The following CYTH3 variants were observed in gnomAD, a reference collection of about 807,000 sequenced individuals.
CYTH3 encodes the protein cytohesin-3.
Under a neutral mutation model 55.1 loss-of-function variants are expected in CYTH3, and 23 were observed. The ratio of observed to expected loss-of-function variants is 0.42; its 90% CI spans 0.30 to 0.59. The LOEUF is 0.59. Ranked by LOEUF, CYTH3 falls within the 20% of genes least tolerant of loss-of-function variation. The probability of loss-of-function intolerance (pLI) is 0.20; values close to 1 mark genes in which losing one functional copy is unlikely to be tolerated. For missense variants in CYTH3, 413 were observed against 524.8 expected, an observed-to-expected ratio of 0.79 and a Z score of 2.08; for synonymous variants, 249 against 194.9, an observed-to-expected ratio of 1.28 and a Z score of -2.31.
At chr7:6,222,880 A>G (rs1469163816) in intron 1 of CYTH3, among the ~76,000 whole-genome samples, 1 of 152,234 alleles carries the variant, frequency 6.6e-6, no homozygotes, top group Non-Finnish European at 1.5e-5. Context: ...AGCTAATATG[A>G]CAAAAGAACA....
At chr7:6,235,593 C>T (rs537942727) in intron 1 of CYTH3, among the ~76,000 whole-genome samples, 23 of 152,272 alleles carry the variant, frequency 1.5e-4, no homozygotes, top group Non-Finnish European at 2.2e-4. Flanking sequence ...TGCCTAACTC[C>T]GTACTTCTCA....
intron 1 of CYTH3, among the ~76,000 whole-genome samples, chr7:6,199,222 G>A (rs1784005713): frequency 1.3e-5 from 2 of 152,192 alleles, no homozygotes; most frequent in Admixed American, 1.3e-4. Flanking sequence ...CAAAATCACA[G>A]AGACTCACAG....
intron 1 of CYTH3, among the ~76,000 whole-genome samples, chr7:6,252,947 C>A (rs906408955): frequency 6.6e-6 from 1 of 152,134 alleles, no homozygotes; most frequent in African/African-American, 2.4e-5. Context: ...ATGCTTGTTC[C>A]AAATTTACCC....
intron 1 of CYTH3, among the ~76,000 whole-genome samples, chr7:6,240,556 A>G (rs1477935697): frequency 6.6e-6 from 1 of 152,186 alleles, no homozygotes; most frequent in Non-Finnish European, 1.5e-5. Flanking sequence ...CTCAGATGGT[A>G]CTTTAATATA....
chr7:6,191,494 A>T (rs75745109), intron 1 of CYTH3, among the ~76,000 whole-genome samples: 3,468 of 152,156 alleles, frequency 0.023, 135 homozygotes, highest in African/African-American at 0.079. Flanking sequence ...AATCAATTAC[A>T]AGTGGATTAA....
intron 4 of CYTH3, among the ~76,000 whole-genome samples, chr7:6,184,515 T>C (rs1172596584): frequency 1.3e-5 from 2 of 152,210 alleles, no homozygotes; most frequent in Non-Finnish European, 2.9e-5. Context: ...GAGGGCTTCA[T>C]AGGCATGAAG....
intron 1 of CYTH3, among the ~76,000 whole-genome samples, chr7:6,235,202 G>A (rs1403492110): frequency 3.3e-5 from 5 of 152,190 alleles, no homozygotes; most frequent in East Asian, 1.9e-4. Flanking sequence ...TGGGCCAGGC[G>A]TAGTGGCTCA....
chr7:6,190,895 G>C (rs147309965), intron 1 of CYTH3, among the ~76,000 whole-genome samples: 1 of 151,638 alleles, frequency 6.6e-6, no homozygotes, highest in South Asian at 2.1e-4. Flanking sequence ...TGGCCAACAC[G>C]GTGAAACCCC....
chr7:6,186,745 G>A (rs1229335728), intron 4 of CYTH3, among the ~76,000 whole-genome samples: 3 of 152,146 alleles, frequency 2.0e-5, no homozygotes, highest in Admixed American at 6.5e-5. Flanking sequence ...TCGACAGCAA[G>A]GGCACTGCCT....
At chr7:6,231,899 C>A (rs1779398929) in intron 1 of CYTH3, among the ~76,000 whole-genome samples, 2 of 152,218 alleles carry the variant, frequency 1.3e-5, no homozygotes, top group South Asian at 4.1e-4. Flanking sequence ...TGAATCTTCA[C>A]TGTCGGAACA....
rs987769241 is a variant in CYTH3 at position 6,170,411 on chromosome 7, C to T, written c.823+124G>A. On this transcript the variant is annotated intron_variant, in intron 9 of 12. Coordinates refer to ENST00000350796, the MANE Select transcript of CYTH3 (RefSeq NM_004227.4). This position sits in a 1 kb window ranked among gnomAD's most constrained non-coding sequence, Gnocchi z 7.8. ...CCGAGAGCGGGCTCTGGCTTAACCG[C>T]GTTTCTTTTTAACGTCTCTGCCTGC... is the stretch of plus-strand genomic sequence containing the variant. The T allele has an allele frequency of 1.4e-5, 12 of 885,604 alleles. No individual in the cohort carries two copies. The highest frequency in any genetic ancestry group is 2.1e-5 in the Non-Finnish European group (12 of 585,224). 54.9% of individuals were successfully genotyped at this position (885,604 alleles called of 1,614,324 possible).
intron 1 of CYTH3, among the ~76,000 whole-genome samples, chr7:6,199,067 A>C (rs1784002564): frequency 6.6e-6 from 1 of 152,246 alleles, no homozygotes; most frequent in African/African-American, 2.4e-5. Flanking sequence ...AGGAAAAAAC[A>C]ATGTGGAAAG....
rs1782889320 is a variant in CYTH3, at chr7:6,163,176, G to A, written c.*1768C>T. The A allele has an allele frequency of 6.6e-6, 1 of 152,638 alleles. No individual in the cohort carries two copies. Among genetic ancestry groups the A allele is most frequent in the South Asian group, 2.1e-4 (1 of 4,840 alleles). The allele number at this position is 152,638 out of a possible 1,614,324, so 9.5% of individuals were successfully genotyped here. On this transcript the variant is annotated 3_prime_UTR_variant, in exon 13 of 13. Coordinates refer to ENST00000350796, the MANE Select transcript of CYTH3 (RefSeq NM_004227.4). ...CCTCTGCAGTCTAGTGTGACTTAAA[G>A]CTACATCAAGGTCAGCCGCAGGGAG...
At position 6,272,455 on chromosome 7, in the gene CYTH3, C is replaced by T; in HGVS notation, c.34+19G>A. The stretch of plus-strand genomic sequence containing the variant: ...CGACCCCAGGCCGCCGGCGAGCCCA[C>T]CACACCTCCGACACTCACCGCCACC... On this transcript the variant is annotated intron_variant, in intron 1 of 12. Coordinates refer to ENST00000350796, the MANE Select transcript of CYTH3 (RefSeq NM_004227.4). 7.4e-7 allele frequency: 1 copy of T among 1,357,842 alleles called. No homozygotes were observed. The allele number at this position is 1,357,842 out of a possible 1,614,324, so 84.1% of individuals were successfully genotyped here.
rs773192145 is a variant in CYTH3 at position 6,165,755 on chromosome 7, G to C, written c.879C>G (p.Leu293=). ...TTACTGTTGTGTATTCAAAGTAATAGAGGCAGTTATCGGTCAGGATGAACC... is the reference window on the plus strand; with the variant it reads ...TTACTGTTGTGTATTCAAAGTAATACAGGCAGTTATCGGTCAGGATGAACC... ...RRWFILTDNC[L]YYFEYTTDKE... is the part of the protein sequence containing the mutation. Residue 293 remains leucine, a synonymous_variant, in exon 10 of 13, where the codon CTC becomes CTG. Transcript: ENST00000350796. 1 of 1,614,190 alleles carries C rather than the reference G, an allele frequency of 6.2e-7. No individual in the cohort carries two copies. The highest frequency in any genetic ancestry group is 1.3e-5 in the African/African-American group (1 of 75,058).
intron 9 of CYTH3, among the ~76,000 whole-genome samples, chr7:6,166,507 T>TCACCCGAGGTCAACC (rs1783013985): frequency 6.6e-6 from 1 of 152,202 alleles, no homozygotes; most frequent in Non-Finnish European, 1.5e-5. Flanking sequence ...GCTGCGGAGC[T>TCACCCGAGGTCAACC]CACCCGGCTT....
chr7:6,242,080 CTT>C (rs950802422), intron 1 of CYTH3, among the ~76,000 whole-genome samples: 3 of 151,758 alleles, frequency 2.0e-5, no homozygotes, highest in Non-Finnish European at 2.9e-5. Flanking sequence ...GGGGTTTTTT[CTT>C]TGTTTGTTTT....
intron 1 of CYTH3, among the ~76,000 whole-genome samples, chr7:6,219,003 CAAAAAAAAAAAAAAA>C (rs35386425): frequency 1.3e-5 from 1 of 74,318 alleles, no homozygotes. Flanking sequence ...GACTCCGTCT[CAAAAAAAAAAAAAAA>C]AAAAAAAAAC....
chr7:6,261,277 G>C (rs1562419135), intron 1 of CYTH3, among the ~76,000 whole-genome samples: 1 of 152,164 alleles, frequency 6.6e-6, no homozygotes, highest in Non-Finnish European at 1.5e-5. Flanking sequence ...ACCAGTCTTA[G>C]GGGACTGAGG....
Sources: gnomAD v4.1 joint callset for allele counts (sites outside exome capture counted in the v4.1 genomes callset) on GRCh38, gnomAD v4.1.1 for gene constraint, Gnocchi (gnomAD v3.1) non-coding constraint, MANE v1.5 for transcripts, NCBI Gene and HGNC (gene_info 2026-07-23, HGNC 2026-07-21) for gene names.